WDR17: variants seen among roughly 807,000 people sequenced by gnomAD.
WDR17 encodes WD repeat-containing protein 17.
WDR17 carries 143 observed loss-of-function variants against 161.7 expected under a neutral mutation model. That is an observed-to-expected ratio of 0.88 (90% CI 0.77 to 1.02). WDR17 has a LOEUF of 1.02. Ranked by LOEUF, WDR17 falls within the 50% of genes least tolerant of loss-of-function variation. The pLI, the probability that WDR17 is intolerant of heterozygous loss-of-function variation, is 0.00. For missense variants in WDR17, 1,469 were observed against 1,520.9 expected, an observed-to-expected ratio of 0.97 and a Z score of 0.57; for synonymous variants, 517 against 515.6, an observed-to-expected ratio of 1.00 and a Z score of -0.04.
At chr4:176,102,988 T>C (rs1738066742) in intron 1 of WDR17, among the ~76,000 whole-genome samples, 1 of 152,196 alleles carries the variant, frequency 6.6e-6, no homozygotes, top group South Asian at 2.1e-4. Flanking sequence ...GATCTACTGC[T>C]TCTGATCACA....
chr4:176,148,785 T>C (rs1168570788), intron 13 of WDR17, among the ~76,000 whole-genome samples: 1 of 152,218 alleles, frequency 6.6e-6, no homozygotes, highest in Non-Finnish European at 1.5e-5. Flanking sequence ...CAATGTTTTG[T>C]TTTTTAATAT....
At position 176,148,299 on chromosome 4, in the gene WDR17, G is replaced by A. The variant is rs1746522440; in HGVS notation, c.1861G>A (p.Val621Met). The change falls in exon 13 of 29, where the codon GTG (valine) becomes ATG (methionine). Residue 621 changes from valine (V) to methionine (M), a missense_variant. Val to Met is a conservative substitution (Grantham distance 21, BLOSUM62 1). Coordinates refer to ENST00000508596, the MANE Select transcript of WDR17 (RefSeq NM_181265.4). Reference protein sequence around the residue: ...KVWDTREGTCVDTVYDHGADV... With the variant: ...KVWDTREGTCMDTVYDHGADV... ...ATGGGACACTCGAGAAGGAACTTGT[G>A]TGGATACTGTGTATGATCACGGTGC... 3 of 1,613,872 alleles carry A rather than the reference G, an allele frequency of 1.9e-6. No individual in the cohort carries two copies. The highest frequency in any genetic ancestry group is 1.7e-5 in the Admixed American group (1 of 59,996).
chr4:176,110,109 A>C (rs1739449916), intron 1 of WDR17, among the ~76,000 whole-genome samples: 1 of 152,022 alleles, frequency 6.6e-6, no homozygotes, highest in African/African-American at 2.4e-5. Context: ...ATTGTCTCTC[A>C]TATTAGGAGC....
chr4:176,097,720 T>TAC (rs561504948), intron 1 of WDR17, among the ~76,000 whole-genome samples: 2,766 of 130,000 alleles, frequency 0.021, 48 homozygotes, highest in African/African-American at 0.056. Context: ...AAGCCCCACT[T>TAC]ACACACACAC....
At chr4:176,103,340 G>T (rs909614662) in intron 1 of WDR17, among the ~76,000 whole-genome samples, 1 of 151,922 alleles carries the variant, frequency 6.6e-6, no homozygotes, top group African/African-American at 2.4e-5. Flanking sequence ...AGCAAACTCT[G>T]ATTTCCAGAG....
In WDR17 at chr4:176,156,704, A is replaced by G. The variant is rs565333572; in HGVS notation, c.2525+561A>G. Among the ~76,000 whole-genome samples, 48 of 152,196 alleles carry G rather than the reference A, an allele frequency of 3.2e-4. 1 individual carries two copies. Among genetic ancestry groups the G allele is most frequent in the African/African-American group, 1.1e-3 (44 of 41,536 alleles). ...AAAAAAAAAAAAAAAATTACCATAA[A>G]ATGGGTGGCCTAAAACAACAGAAAT... is the stretch of plus-strand genomic sequence containing the variant. On this transcript the variant is annotated intron_variant, in intron 18 of 28. Coordinates refer to ENST00000508596, the MANE Select transcript of WDR17 (RefSeq NM_181265.4).
chr4:176,082,579 G>A (rs910692806), intron 1 of WDR17, among the ~76,000 whole-genome samples: 51 of 152,054 alleles, frequency 3.4e-4, no homozygotes, highest in African/African-American at 1.2e-3. Context: ...TGTCCTTAAC[G>A]ATCCAAGATA....
chr4:176,114,756 G>A (rs1263462059), intron 2 of WDR17, among the ~76,000 whole-genome samples: 1 of 151,828 alleles, frequency 6.6e-6, no homozygotes, highest in Admixed American at 6.6e-5. Flanking sequence ...TCTGGGGCGA[G>A]TTATGAATTA....
intron 1 of WDR17, among the ~76,000 whole-genome samples, chr4:176,079,245 C>A (rs1734448065): frequency 6.6e-6 from 1 of 151,944 alleles, no homozygotes. Flanking sequence ...TGTATATATA[C>A]CACATTTTCT....
Position 176,125,335 on chromosome 4 carries a change from C to T in WDR17, c.770C>T (p.Pro257Leu). ...VQCLAWVPSAPGMFITGDSQV... is the reference protein window; with the variant it reads ...VQCLAWVPSALGMFITGDSQV... ...TGCTTAGCCTGGGTTCCCAGTGCTC[C>T]TGGGATGTTTATAACTGGAGGTAAG... The change falls in exon 5 of 29, where the codon CCT becomes CTT. Residue 257 changes from proline (P) to leucine (L), a missense_variant. Coordinates refer to ENST00000508596, the MANE Select transcript of WDR17 (RefSeq NM_181265.4). 1 of 1,614,074 alleles carries T rather than the reference C, an allele frequency of 6.2e-7. No individual in the cohort carries two copies. The highest frequency in any genetic ancestry group is 8.5e-7 in the Non-Finnish European group (1 of 1,179,970).
At chr4:176,073,302 T>A (rs961383311) in intron 1 of WDR17, among the ~76,000 whole-genome samples, 5 of 152,220 alleles carry the variant, frequency 3.3e-5, no homozygotes, top group Admixed American at 2.6e-4. Context: ...CCCCTTACTA[T>A]GTCCATGTGT....
At chr4:176,140,817 T>C (rs1745140532) in intron 10 of WDR17, among the ~76,000 whole-genome samples, 1 of 152,006 alleles carries the variant, frequency 6.6e-6, no homozygotes, top group Non-Finnish European at 1.5e-5. Flanking sequence ...TTAGTGATTT[T>C]TTTTTCCTTG....
At chr4:176,075,197 C>CA (rs11300698) in intron 1 of WDR17, among the ~76,000 whole-genome samples, 29 of 151,028 alleles carry the variant, frequency 1.9e-4, no homozygotes, top group Admixed American at 6.6e-4. Flanking sequence ...TCTATTTTAA[C>CA]AAAAAAAATT....
At chr4:176,068,870 A>G (rs1732858128) in intron 1 of WDR17, among the ~76,000 whole-genome samples, 1 of 152,204 alleles carries the variant, frequency 6.6e-6, no homozygotes, top group African/African-American at 2.4e-5. Flanking sequence ...AATCTACTCT[A>G]TAAGGAAACA....
intron 23 of WDR17, among the ~76,000 whole-genome samples, chr4:176,172,149 T>C (rs959816575): frequency 6.6e-6 from 1 of 152,210 alleles, no homozygotes; most frequent in Non-Finnish European, 1.5e-5. Context: ...ATTTGTGTGA[T>C]GGAAAACTAC....
intron 23 of WDR17, 92 bp from the exon 24 acceptor site, chr4:176,172,283 T>C (rs1232738605): frequency 1.7e-6 from 2 of 1,163,034 alleles, no homozygotes; most frequent in Non-Finnish European, 2.4e-6. Context: ...AAGAAAACCA[T>C]ACTAGGAAAG....
rs1743464313 is a variant in WDR17, at chr4:176,131,606, A to G, written c.966A>G (p.Ala322=). The G allele has an allele frequency of 6.2e-7, 1 of 1,613,246 alleles. No individual in the cohort carries two copies. Among genetic ancestry groups the G allele is most frequent in the Non-Finnish European group, 8.5e-7 (1 of 1,179,638 alleles). The change falls in exon 7 of 29, where the codon GCA becomes GCG. Residue 322 remains alanine (A), a synonymous_variant. Transcript: ENST00000508596. ...KNHYTSSTSE[A]VPPPTLTQNQ... ...ATTATACATCCTCAACAAGCGAAGC[A>G]GTTCCACCCCCAACTTTAACACAGA...
chr4:176,072,187 C>G (rs1309774336), intron 1 of WDR17, among the ~76,000 whole-genome samples: 1 of 152,160 alleles, frequency 6.6e-6, no homozygotes, highest in Non-Finnish European at 1.5e-5. Flanking sequence ...AAAAGGTAAA[C>G]TCAGAAATGC....
At position 176,162,121 on chromosome 4, in the gene WDR17, G is replaced by C; in HGVS notation, c.2797G>C (p.Asp933His). ...AGAACTGGCAGAATGGTATTTTCAA[G>C]ATGGTCGAGCAGTACTAGCCGCATG... ...SKELAEWYFQ[D>H]GRAVLAACCH... The change falls in exon 21 of 29, where the codon GAT (aspartate) becomes CAT (histidine). Residue 933 changes from aspartate (D) to histidine (H), a missense_variant. Physicochemically the swap from Asp to His is moderately conservative, Grantham distance 81. Coordinates refer to ENST00000508596, the MANE Select transcript of WDR17 (RefSeq NM_181265.4). 5.6e-6 allele frequency: 9 copies of C among 1,613,320 alleles called. No individual in the cohort carries two copies. Among genetic ancestry groups the C allele is most frequent in the Non-Finnish European group, 7.6e-6 (9 of 1,179,524 alleles).
Sources: gnomAD v4.1 joint callset for allele counts (sites outside exome capture counted in the v4.1 genomes callset) on GRCh38, gnomAD v4.1.1 for gene constraint, MANE v1.5 for transcripts, NCBI Gene and HGNC (gene_info 2026-07-23, HGNC 2026-07-21) for gene names.